Variants in FRY observed in about 807,000 individuals in gnomAD.
FRY encodes protein furry homolog.
FRY carries 128 observed loss-of-function variants against 348.4 expected under a neutral mutation model. The ratio of observed to expected loss-of-function variants is 0.37; its 90% confidence interval spans 0.32 to 0.43. The LOEUF is 0.43. FRY is among the 20% of genes least tolerant of loss of function. The pLI, the probability that FRY is intolerant of heterozygous loss-of-function variation, is 1.00. For synonymous variants in FRY, 1,370 were observed against 1,374.7 expected, an observed-to-expected ratio of 1.00 and a Z score of 0.08; for missense variants, 2,736 against 3,695.2, an observed-to-expected ratio of 0.74 and a Z score of 6.73.
Position 32,077,834 on chromosome 13 carries a change from C to G in FRY, c.71-1000C>G, listed in dbSNP as rs146719082. On this transcript the variant is annotated intron_variant, in intron 1 of 60. Transcript: ENST00000542859. Reference sequence around the variant, plus strand: ...AACCCACTTTTTACTTGACTCTTTCCCTTAATCTCCATATCCAGTTACCCA... The same window carrying G: ...AACCCACTTTTTACTTGACTCTTTCGCTTAATCTCCATATCCAGTTACCCA... Among the ~76,000 whole-genome samples the G allele has an allele frequency of 1.2e-4, 18 of 152,256 alleles. No individual in the cohort carries two copies. In the East Asian group the frequency reaches 3.3e-3, roughly 28 times the overall value.
chr13:32,296,768 C>T lies in FRY; in HGVS notation c.*1308C>T, dbSNP rs561285016. On this transcript the variant is annotated 3_prime_UTR_variant, in exon 61 of 61. Transcript: ENST00000542859. ...TCGCATGTATGATCTGAATGGCACC[C>T]GTGGGGGTCATGCCATGCATGGCCC... is the stretch of plus-strand genomic sequence containing the variant. The T allele has an allele frequency of 6.6e-6, 1 of 152,272 alleles. No homozygotes were observed. The highest frequency in any genetic ancestry group is 2.4e-5 in the African/African-American group (1 of 41,560). 9.4% of individuals were successfully genotyped at this position (152,272 alleles called of 1,614,324 possible).
At chr13:32,290,597 T>A (rs544717326) in intron 59 of FRY, among the ~76,000 whole-genome samples, 2 of 152,114 alleles carry the variant, frequency 1.3e-5, no homozygotes, top group South Asian at 2.1e-4. Flanking sequence ...AAAGGCGAGA[T>A]CATAAGACAT....
At position 32,180,575 on chromosome 13, in the gene FRY, A is replaced by C. The variant is rs1179005273; in HGVS notation, c.2996+776A>C. On this transcript the variant is annotated intron_variant, in intron 23 of 60. Coordinates refer to ENST00000542859, the MANE Select transcript of FRY (RefSeq NM_023037.3). ...TAGGGCACTTTCTTTGCCTTAATGT[A>C]ACCATATACCTGCTTTCTGGATTCC... Among the ~76,000 whole-genome samples the C allele has an allele frequency of 2.6e-5, 4 of 152,120 alleles. No homozygotes were observed. The East Asian group carries it at 7.7e-4, about 29-fold the overall frequency.
chr13:32,127,605 G>A (rs769417642), intron 7 of FRY, among the ~76,000 whole-genome samples: 4 of 152,000 alleles, frequency 2.6e-5, no homozygotes, highest in Admixed American at 6.6e-5. Flanking sequence ...TTGAAACCCC[G>A]TCTCTACTAA....
chr13:32,223,043 T>C (rs1885396803), intron 36 of FRY, among the ~76,000 whole-genome samples: 1 of 152,064 alleles, frequency 6.6e-6, no homozygotes, highest in African/African-American at 2.4e-5. Context: ...AACCTCCACA[T>C]CCTGGGTTCA....
rs769744850 is a variant in FRY at position 32,155,547 on chromosome 13, A to G, written c.1536A>G (p.Lys512=). 3 of 1,613,368 alleles carry G rather than the reference A, an allele frequency of 1.9e-6. No individual in the cohort carries two copies. Among genetic ancestry groups the G allele is most frequent in the Non-Finnish European group, 2.5e-6 (3 of 1,179,394 alleles). Residue 512 remains lysine, a synonymous_variant, in exon 15 of 61, where the codon AAA becomes AAG. Coordinates refer to ENST00000542859, the MANE Select transcript of FRY (RefSeq NM_023037.3). The part of the protein sequence containing the change: ...FLVIADSLQQ[K]DGEPPMPVTG... Reference sequence around the variant, plus strand: ...TCATAGCTGATAGCTTGCAGCAGAAAGATGGGGAACCTCCCATGCCGGTTA... The same window carrying G: ...TCATAGCTGATAGCTTGCAGCAGAAGGATGGGGAACCTCCCATGCCGGTTA...
intron 1 of FRY, among the ~76,000 whole-genome samples, chr13:32,054,282 C>T: frequency 6.6e-6 from 1 of 151,448 alleles, no homozygotes; most frequent in East Asian, 1.9e-4. Context: ...GGGAGGTATA[C>T]TAACTAAATG....
chr13:32,119,311 C>A (rs1380409070), intron 4 of FRY, among the ~76,000 whole-genome samples: 1 of 152,156 alleles, frequency 6.6e-6, no homozygotes, highest in African/African-American at 2.4e-5. Context: ...GTCAGGGATG[C>A]ACATTGGGTT....
chr13:32,076,271 T>G (rs1197208164), intron 1 of FRY, among the ~76,000 whole-genome samples: 1 of 152,224 alleles, frequency 6.6e-6, no homozygotes, highest in African/African-American at 2.4e-5. Context: ...CATCTAGAAA[T>G]GGATCAAATC....
In FRY at chr13:32,102,000, A is replaced by T; in HGVS notation, c.308A>T (p.Asp103Val). The T allele has an allele frequency of 6.5e-7, 1 of 1,548,076 alleles. No homozygotes were observed. The highest frequency in any genetic ancestry group is 8.9e-7 in the Non-Finnish European group (1 of 1,119,948). ...ACAAAATCTCTGCAACGTGGAGAAGACCCCCAATTTGATCAGGTATGTGAT... is the reference window on the plus strand; with the variant it reads ...ACAAAATCTCTGCAACGTGGAGAAGTCCCCCAATTTGATCAGGTATGTGAT... ...PLTKSLQRGE[D>V]PQFDQVISSM... Residue 103 changes from aspartate (D) to valine (V), a missense_variant, in exon 3 of 61, where the codon GAC becomes GTC. Asp to Val is a radical substitution (Grantham distance 152). Coordinates refer to ENST00000542859, the MANE Select transcript of FRY (RefSeq NM_023037.3).
intron 59 of FRY, among the ~76,000 whole-genome samples, chr13:32,292,908 CA>C (rs1165303910): frequency 6.6e-6 from 1 of 152,206 alleles, no homozygotes; most frequent in Non-Finnish European, 1.5e-5. Flanking sequence ...GATCAGTCAG[CA>C]GCCATTAACA....
intron 17 of FRY, among the ~76,000 whole-genome samples, chr13:32,166,829 C>T (rs1881766459): frequency 6.6e-6 from 1 of 152,142 alleles, no homozygotes; most frequent in Non-Finnish European, 1.5e-5. Flanking sequence ...CTTCTACAAA[C>T]ATTCCACTTT....
intron 3 of FRY, among the ~76,000 whole-genome samples, 185 bp from the exon 4 acceptor site, chr13:32,117,149 G>A (rs570709296): frequency 6.6e-6 from 1 of 152,184 alleles, no homozygotes; most frequent in South Asian, 2.1e-4. Flanking sequence ...TCTTATATGG[G>A]GAACATTTGT....
intron 14 of FRY, among the ~76,000 whole-genome samples, chr13:32,150,376 T>G (rs1179715156): frequency 6.6e-6 from 1 of 152,170 alleles, no homozygotes; most frequent in African/African-American, 2.4e-5. Context: ...ACAGCACATA[T>G]AATTTTAAAC....
chr13:32,074,064 A>G (rs1474631203), intron 1 of FRY, among the ~76,000 whole-genome samples: 1 of 152,238 alleles, frequency 6.6e-6, no homozygotes, highest in African/African-American at 2.4e-5. Context: ...AGTCATGTTC[A>G]AAAAGATCAT....
intron 1 of FRY, among the ~76,000 whole-genome samples, chr13:32,041,712 T>C (rs1872754825): frequency 6.6e-6 from 1 of 152,224 alleles, no homozygotes; most frequent in Non-Finnish European, 1.5e-5. Flanking sequence ...CAAGACAACC[T>C]GTCTCGCTTC....
intron 14 of FRY, among the ~76,000 whole-genome samples, chr13:32,153,033 A>G (rs985930142): frequency 6.6e-6 from 1 of 152,206 alleles, no homozygotes; most frequent in Non-Finnish European, 1.5e-5. Flanking sequence ...AAGGAAATTC[A>G]ATTTAAAACC....
intron 60 of FRY, 69 bp downstream of exon 60, chr13:32,294,639 G>A (rs1294756938): frequency 1.1e-5 from 13 of 1,202,956 alleles, no homozygotes; most frequent in African/African-American, 1.5e-5. Flanking sequence ...TGTCATGGTT[G>A]GAGTCTAGCC....
intron 15 of FRY, among the ~76,000 whole-genome samples, chr13:32,156,428 C>A (rs571388155): frequency 1.3e-5 from 2 of 152,070 alleles, no homozygotes; most frequent in Admixed American, 1.3e-4. Context: ...ATGGAGAAAC[C>A]CTGTCTCTAC....
Sources: gnomAD v4.1 joint callset for allele counts (sites outside exome capture counted in the v4.1 genomes callset) on GRCh38, gnomAD v4.1.1 for gene constraint, MANE v1.5 for transcripts, NCBI Gene and HGNC (gene_info 2026-07-23, HGNC 2026-07-21) for gene names.